ROBO2: variants seen among roughly 807,000 people sequenced by gnomAD.
The protein encoded by ROBO2 is roundabout guidance receptor 2.
ROBO2 carries 53 observed loss-of-function variants against 160.8 expected under a neutral mutation model. That is an observed-to-expected ratio of 0.33 (90% CI 0.26 to 0.41). The LOEUF (loss-of-function observed/expected upper bound fraction) is 0.41. ROBO2 is among the 10% of genes least tolerant of loss of function. The pLI, the probability that ROBO2 is intolerant of heterozygous loss-of-function variation, is 1.00. For missense variants in ROBO2, 1,577 were observed against 1,722.4 expected (o/e 0.92, Z 1.49); for synonymous variants, 664 against 611.7 (o/e 1.09, Z -1.26).
chr3:76,245,187 C>T (rs1338833030), intron 2 of ROBO2, among the ~76,000 whole-genome samples: 1 of 152,186 alleles, frequency 6.6e-6, no homozygotes, highest in Non-Finnish European at 1.5e-5. Flanking sequence ...CAATTTCTTT[C>T]TATACTGAAA....
intron 2 of ROBO2, among the ~76,000 whole-genome samples, chr3:76,261,755 T>C (rs1161441404): frequency 6.6e-6 from 1 of 152,128 alleles, no homozygotes; most frequent in East Asian, 1.9e-4. Context: ...TGTATTAGAA[T>C]GTATTTTTCA....
Position 76,809,395 on chromosome 3 carries a change from C to T in ROBO2, c.110-288619C>T, listed in dbSNP as rs1164533774. 2.0e-5 allele frequency among the ~76,000 whole-genome samples: 3 copies of T among 152,190 alleles called. No homozygotes were observed. The East Asian group carries it at 5.8e-4, about 29-fold the overall frequency. On this transcript the variant is annotated intron_variant, in intron 2 of 26. Coordinates refer to the ROBO2 transcript ENST00000487694. Reference sequence around the variant, plus strand: ...GATAGGTGGTGCTCCCCATAGTCTTCTCACACTGTGGCAGCTTGCTTCTTC... The same window carrying T: ...GATAGGTGGTGCTCCCCATAGTCTTTTCACACTGTGGCAGCTTGCTTCTTC...
At chr3:76,739,673 G>A (rs2093771513) in intron 2 of ROBO2, among the ~76,000 whole-genome samples, 1 of 152,076 alleles carries the variant, frequency 6.6e-6, no homozygotes, top group African/African-American at 2.4e-5. Flanking sequence ...TTGCTGAGGT[G>A]GGTAGCAAGG....
intron 2 of ROBO2, among the ~76,000 whole-genome samples, chr3:76,277,850 C>G (rs1046084066): frequency 6.6e-6 from 1 of 151,300 alleles, no homozygotes; most frequent in African/African-American, 2.4e-5. Context: ...TATTGTGAGC[C>G]CTTCACTCCC....
chr3:77,128,430 G>A (rs62251801), intron 2 of ROBO2, among the ~76,000 whole-genome samples: 2 of 152,096 alleles, frequency 1.3e-5, no homozygotes, highest in African/African-American at 4.8e-5. Flanking sequence ...CCAAGTGGGG[G>A]TTTTCGAATG....
intron 2 of ROBO2, among the ~76,000 whole-genome samples, chr3:76,238,600 C>G (rs554753275): frequency 5.3e-5 from 8 of 150,278 alleles, no homozygotes; most frequent in African/African-American, 2.0e-4. Flanking sequence ...GGAAAACCAC[C>G]TCCATGATCT....
intron 2 of ROBO2, among the ~76,000 whole-genome samples, chr3:77,230,276 G>T (rs529665525): frequency 6.6e-6 from 1 of 152,116 alleles, no homozygotes; most frequent in South Asian, 2.1e-4. Context: ...TAGAGACAGG[G>T]TCTCACTATG....
At chr3:77,065,566 C>G (rs1479612272) in intron 1 of ROBO2, among the ~76,000 whole-genome samples, 3 of 152,040 alleles carry the variant, frequency 2.0e-5, no homozygotes, top group African/African-American at 7.2e-5. Context: ...ATTGAGAGTA[C>G]CTTAAATGAG....
intron 2 of ROBO2, among the ~76,000 whole-genome samples, chr3:77,439,731 T>C (rs1326191067): frequency 6.6e-6 from 1 of 152,070 alleles, no homozygotes; most frequent in Non-Finnish European, 1.5e-5. Flanking sequence ...CCTTCAACAT[T>C]TCCTGTTTTT....
At chr3:75,941,682 A>G (rs1948061327) in intron 2 of ROBO2, among the ~76,000 whole-genome samples, 1 of 152,152 alleles carries the variant, frequency 6.6e-6, no homozygotes, top group South Asian at 2.1e-4. Flanking sequence ...GTCAGCTATT[A>G]AGCAGTCAAA....
At chr3:76,177,124 C>T (rs1227353786) in intron 2 of ROBO2, among the ~76,000 whole-genome samples, 2 of 152,104 alleles carry the variant, frequency 1.3e-5, no homozygotes, top group African/African-American at 4.8e-5. Context: ...TCGTTATTCT[C>T]ACTCATTGCC....
intron 1 of ROBO2, among the ~76,000 whole-genome samples, chr3:77,044,541 T>C (rs1254750987): frequency 6.6e-6 from 1 of 152,170 alleles, no homozygotes; most frequent in African/African-American, 2.4e-5. Context: ...CTTATTCTCC[T>C]CCTCTTTTTT....
intron 2 of ROBO2, among the ~76,000 whole-genome samples, chr3:77,384,056 G>A (rs779441533): frequency 5.9e-5 from 9 of 152,126 alleles, no homozygotes; most frequent in African/African-American, 7.2e-5. Context: ...TTCAGATGTA[G>A]TATGGTGTAA....
chr3:76,007,955 T>C (rs773809435), intron 2 of ROBO2, among the ~76,000 whole-genome samples: 1 of 151,842 alleles, frequency 6.6e-6, no homozygotes, highest in Non-Finnish European at 1.5e-5. Context: ...AAACTGATGC[T>C]AAATAAGTCT....
intron 2 of ROBO2, among the ~76,000 whole-genome samples, chr3:76,220,094 G>A (rs192400529): frequency 2.3e-4 from 34 of 149,880 alleles, no homozygotes; most frequent in East Asian, 8.1e-4. Context: ...ACCAAACACC[G>A]CATGTTCTCA....
At chr3:76,932,226 A>C (rs2077393106) in intron 2 of ROBO2, among the ~76,000 whole-genome samples, 1 of 152,194 alleles carries the variant, frequency 6.6e-6, no homozygotes, top group Non-Finnish European at 1.5e-5. Flanking sequence ...TTTTACAATA[A>C]GAGAAAAACA....
intron 2 of ROBO2, among the ~76,000 whole-genome samples, chr3:77,296,582 A>G (rs1441308932): frequency 6.6e-6 from 1 of 152,130 alleles, no homozygotes; most frequent in Admixed American, 6.6e-5. Flanking sequence ...AGTCTAATTT[A>G]ATTGTTCAGT....
intron 2 of ROBO2, among the ~76,000 whole-genome samples, chr3:75,978,316 A>AG (rs2065185123): frequency 1.3e-5 from 2 of 151,524 alleles, no homozygotes; most frequent in Admixed American, 6.6e-5. Flanking sequence ...ATTTTAAAAA[A>AG]GTACTTACAA....
chr3:76,524,257 C>A (rs973255456), intron 2 of ROBO2, among the ~76,000 whole-genome samples: 1 of 151,778 alleles, frequency 6.6e-6, no homozygotes, highest in Non-Finnish European at 1.5e-5. Context: ...ACAAAATATC[C>A]TCTATTTGGA....
Sources: gnomAD v4.1 joint callset for allele counts (sites outside exome capture counted in the v4.1 genomes callset) on GRCh38, gnomAD v4.1.1 for gene constraint, MANE v1.5 for transcripts, NCBI Gene and HGNC (gene_info 2026-07-23, HGNC 2026-07-21) for gene names.